KCNMA1: variants seen among roughly 807,000 people sequenced by gnomAD.
KCNMA1 encodes the protein potassium calcium-activated channel subfamily M alpha 1, also known as Calcium-activated potassium channel subunit alpha-1.
A neutral mutation model predicts 140.0 loss-of-function variants in KCNMA1; 29 were observed. The observed-to-expected ratio is 0.21, with a 90% CI of 0.15 to 0.28. The LOEUF is 0.28. Among genes scored for constraint, KCNMA1 ranks in the 10% least tolerant of loss-of-function variants. The pLI, the probability that KCNMA1 is intolerant of heterozygous loss-of-function variation, is 1.00. For missense variants in KCNMA1, 880 were observed against 1,602.2 expected, an observed-to-expected ratio of 0.55 and a Z score of 7.70; for synonymous variants, 612 against 611.9, an observed-to-expected ratio of 1.00 and a Z score of 0.00.
intron 1 of KCNMA1, among the ~76,000 whole-genome samples, chr10:77,490,591 G>C (rs1220431689): frequency 6.6e-6 from 1 of 152,196 alleles, no homozygotes; most frequent in East Asian, 1.9e-4. Flanking sequence ...ACCACACTAG[G>C]TTATGTCATT....
In KCNMA1 at chr10:77,607,831, A is replaced by G. The variant is rs141420522; in HGVS notation, c.378+29434T>C. 1.7e-3 allele frequency among the ~76,000 whole-genome samples: 252 copies of G among 152,248 alleles called. 1 individual carries two copies. Among genetic ancestry groups the G allele is most frequent in the East Asian group, 7.5e-3 (39 of 5,168 alleles). On this transcript the variant is annotated intron_variant, in intron 1 of 27. Coordinates refer to ENST00000286628, the MANE Select transcript of KCNMA1 (RefSeq NM_001161352.2). ...TATATTTGTGTTATCTTAAGGCACT[A>G]TGTTTGTGGTCGTTACAGCAGCAAG...
chr10:76,949,008 G>C, intron 22 of KCNMA1, 134 bp downstream of exon 22: 3 of 830,746 alleles, frequency 3.6e-6, no homozygotes, highest in South Asian at 2.7e-5. Context: ...CATAGGGGAA[G>C]TGCTGAGTCC....
At chr10:77,435,227 T>C (rs1369056698) in intron 1 of KCNMA1, among the ~76,000 whole-genome samples, 1 of 152,112 alleles carries the variant, frequency 6.6e-6, no homozygotes, top group African/African-American at 2.4e-5. Context: ...AATGAGCCAC[T>C]GCACCCAGCT....
Position 77,007,653 on chromosome 10 carries a change from G to GTGTGTATATATATATATATATATA in KCNMA1, c.2092+4313_2092+4314insTATATATATATATATATATACACA. Among the ~76,000 whole-genome samples, 13 of 88,444 alleles carry GTGTGTATATATATATATATATATA rather than the reference G, an allele frequency of 1.5e-4. 1 individual carries two copies. Among genetic ancestry groups the GTGTGTATATATATATATATATATA allele is most frequent in the South Asian group, 7.9e-4 (2 of 2,538 alleles). The allele number at this position is 88,444 out of a possible 152,430, so 58.0% of individuals were successfully genotyped here. ...ACATCATGGTACATATTGTGTGTGT[G>GTGTGTATATATATATATATATATA]TATATATATATATATATATATATGT... On this transcript the variant is annotated intron_variant, in intron 18 of 27. Transcript: ENST00000286628.
At chr10:77,630,071 G>A (rs1167419816) in intron 1 of KCNMA1, among the ~76,000 whole-genome samples, 4 of 152,164 alleles carry the variant, frequency 2.6e-5, no homozygotes, top group African/African-American at 4.8e-5. Flanking sequence ...GGTGCCACGC[G>A]TGTCCCCCAG....
intron 1 of KCNMA1, chr10:77,636,050 C>A (rs2093690959): frequency 9.3e-6 from 3 of 323,336 alleles, no homozygotes; most frequent in Non-Finnish European, 1.5e-5. Context: ...CTCGGTTTAA[C>A]TTTACTAGAA....
At chr10:76,907,112 A>G (rs949599669) in intron 25 of KCNMA1, among the ~76,000 whole-genome samples, 1 of 152,200 alleles carries the variant, frequency 6.6e-6, no homozygotes. Context: ...GCTCCTGATG[A>G]TAAATACAAT....
chr10:76,969,934 G>C lies in KCNMA1; in HGVS notation c.2360+40C>G, dbSNP rs562083452. 1.4e-5 allele frequency: 21 copies of C among 1,494,862 alleles called. No individual in the cohort carries two copies. The South Asian group carries it at 2.1e-4, about 15-fold the overall frequency. The allele number at this position is 1,494,862 out of a possible 1,614,324, so 92.6% of individuals were successfully genotyped here. A position where few individuals can be genotyped will look rare whatever the true frequency, so the allele number is the denominator to read the frequency against. On this transcript the variant is annotated intron_variant, in intron 20 of 27. Coordinates refer to ENST00000286628, the MANE Select transcript of KCNMA1 (RefSeq NM_001161352.2). ...AGAGGGCGAGGGGAGGAAGAGAAGG[G>C]CTAAGAGGGAAACCGTGGGCAACCA...
At chr10:76,880,018 C>T (rs1173979904), downstream of KCNMA1, among the ~76,000 whole-genome samples, 2 of 152,122 alleles carry the variant, frequency 1.3e-5, no homozygotes, top group African/African-American at 2.4e-5. Context: ...TGCAGACTGA[C>T]TTTGCAAAGG....
At chr10:77,538,121 C>T (rs2059352752) in intron 1 of KCNMA1, among the ~76,000 whole-genome samples, 1 of 151,876 alleles carries the variant, frequency 6.6e-6, no homozygotes. Context: ...CACTCACACA[C>T]ACCCACATAC....
At chr10:77,031,430 CT>C (rs1410888018) in intron 15 of KCNMA1, among the ~76,000 whole-genome samples, 1 of 152,218 alleles carries the variant, frequency 6.6e-6, no homozygotes, top group Non-Finnish European at 1.5e-5. Context: ...CTCAGATGGC[CT>C]CACTCTTCAT....
rs764912308 is a variant in KCNMA1, at chr10:76,944,905, C to T, written c.2770G>A (p.Val924Ile). Residue 924 changes from valine (V) to isoleucine (I), a missense_variant, in exon 23 of 28, where the codon GTT (valine) becomes ATT (isoleucine). Around this residue, in one of 13 missense-constraint regions of KCNMA1, gnomAD observed 82 missense variants for 170.1 expected, o/e 0.48. Coordinates refer to ENST00000286628, the MANE Select transcript of KCNMA1 (RefSeq NM_001161352.2). ...TTATTCTGATTGGCTGACAGGATAA[C>T]GCACATGTCACAGAGGTTGATGTTG... ...AVNINLCDMC[V>I]ILSANQNNID... 28 of 1,613,726 alleles carry T rather than the reference C, an allele frequency of 1.7e-5. No homozygotes were observed. The highest frequency in any genetic ancestry group is 4.5e-5 in the East Asian group (2 of 44,876).
At chr10:77,072,262 G>A (rs11002005) in intron 14 of KCNMA1, among the ~76,000 whole-genome samples, 63,012 of 152,062 alleles carry the variant, frequency 0.41, 14,728 homozygotes, top group Non-Finnish European at 0.53. Context: ...TTTTACACAC[G>A]GGTTTGTCAC....
At chr10:76,949,521 C>A in intron 21 of KCNMA1, 155 bp from the exon 22 acceptor site, 1 of 689,548 alleles carries the variant, frequency 1.5e-6, no homozygotes, top group South Asian at 1.6e-5. Flanking sequence ...ATATACATGC[C>A]ATATAGAGCT....
chr10:77,329,992 T>C (rs2085750582), intron 2 of KCNMA1, among the ~76,000 whole-genome samples: 1 of 152,208 alleles, frequency 6.6e-6, no homozygotes, highest in Non-Finnish European at 1.5e-5. Context: ...ATATTATAAT[T>C]AGTTTTATTG....
intron 2 of KCNMA1, among the ~76,000 whole-genome samples, chr10:77,270,986 G>A (rs12241006): frequency 0.38 from 58,168 of 151,952 alleles, 13,250 homozygotes; most frequent in African/African-American, 0.63. Flanking sequence ...ACTTCAACAT[G>A]TCATTAATAT....
intron 2 of KCNMA1, among the ~76,000 whole-genome samples, chr10:77,386,098 G>A (rs143840780): frequency 1.4e-4 from 21 of 152,258 alleles, no homozygotes; most frequent in African/African-American, 4.6e-4. Context: ...GGGCACTTTC[G>A]TGGCCATCCA....
At chr10:77,449,373 A>C (rs571732608) in intron 1 of KCNMA1, among the ~76,000 whole-genome samples, 1 of 152,232 alleles carries the variant, frequency 6.6e-6, no homozygotes, top group African/African-American at 2.4e-5. Flanking sequence ...AATGCTCATT[A>C]CATGTTTCTA....
intron 19 of KCNMA1, among the ~76,000 whole-genome samples, chr10:76,978,842 T>G (rs1295882712): frequency 6.6e-6 from 1 of 152,222 alleles, no homozygotes; most frequent in East Asian, 1.9e-4. Flanking sequence ...CCTAGTGAAT[T>G]CAGTACTTAA....
Sources: allele counts gnomAD v4.1 joint callset (sites outside exome capture counted in the v4.1 genomes callset), GRCh38; gene constraint gnomAD v4.1.1; regional missense constraint gnomAD v4.1.1; transcripts MANE v1.5; gene names NCBI Gene and HGNC (gene_info 2026-07-23, HGNC 2026-07-21).